The following MYL4 variants were observed in gnomAD, a reference collection of about 807,000 sequenced individuals.
The protein encoded by MYL4 is atrial myosin light chain 1.
Under a neutral mutation model 21.6 loss-of-function variants are expected in MYL4, and 16 were observed. That is an observed-to-expected ratio of 0.74 (90% CI 0.50 to 1.12). The LOEUF (loss-of-function observed/expected upper bound fraction) is 1.12, where lower values mean the gene tolerates loss of function less well. MYL4 is among the 50% of genes most tolerant of loss of function. The pLI, the probability that MYL4 is intolerant of heterozygous loss-of-function variation, is 0.00. For synonymous variants in MYL4, 82 were observed against 95.7 expected, an observed-to-expected ratio of 0.86 and a Z score of 0.83; for missense variants, 249 against 252.9, an observed-to-expected ratio of 0.98 and a Z score of 0.11.
Position 47,223,000 on chromosome 17 carries a change from C to T in MYL4, c.566-14C>T. 1.2e-6 allele frequency: 2 copies of T among 1,613,336 alleles called. No homozygotes were observed. Among genetic ancestry groups the T allele is most frequent in the Non-Finnish European group, 1.7e-6 (2 of 1,179,644 alleles). ...GCTGAGCCACATGGTGGCTGATTTT[C>T]ACTTTTTTCCTAGCCTTTGTCAAGC... On this transcript the variant is annotated splice_polypyrimidine_tract_variant and intron_variant, in intron 5 of 6. Coordinates refer to ENST00000393450, the MANE Select transcript of MYL4 (RefSeq NM_002476.2).
intron 1 of MYL4, among the ~76,000 whole-genome samples, chr17:47,212,082 G>A (rs1004523001): frequency 1.3e-5 from 2 of 152,094 alleles, no homozygotes; most frequent in Non-Finnish European, 2.9e-5. Context: ...AAAATTAGCT[G>A]GGCGTTATGG....
downstream of MYL4, among the ~76,000 whole-genome samples, chr17:47,224,066 A>G (rs1567750820): frequency 6.6e-6 from 1 of 152,238 alleles, no homozygotes; most frequent in Non-Finnish European, 1.5e-5. Context: ...TACACATAAC[A>G]TGAAATTTAC....
chr17:47,221,276 C>T (rs1007112926), intron 3 of MYL4, among the ~76,000 whole-genome samples: 7 of 152,160 alleles, frequency 4.6e-5, no homozygotes, highest in Admixed American at 6.5e-5. Flanking sequence ...TGGTTTGCCC[C>T]TGTGATTATA....
intron 1 of MYL4, 145 bp downstream of exon 1, chr17:47,209,702 T>A: frequency 8.2e-7 from 1 of 1,213,388 alleles, no homozygotes; most frequent in Non-Finnish European, 1.2e-6. Flanking sequence ...CATGGGGCAG[T>A]GGAGTGGGTG....
chr17:47,197,514 T>A (rs1428640043), upstream of MYL4, among the ~76,000 whole-genome samples: 1 of 152,136 alleles, frequency 6.6e-6, no homozygotes, highest in Admixed American at 6.6e-5. Flanking sequence ...CTAGGGCGCC[T>A]AGGGCTGACT....
intron 1 of MYL4, 25 bp downstream of exon 1, chr17:47,209,582 T>A: frequency 6.2e-7 from 1 of 1,614,168 alleles, no homozygotes; most frequent in Non-Finnish European, 8.5e-7. Flanking sequence ...GCCATTGGGA[T>A]AGAGGTGGGG....
At chr17:47,210,108 C>T (rs73329111) in intron 1 of MYL4, among the ~76,000 whole-genome samples, 2,481 of 152,228 alleles carry the variant, frequency 0.016, 54 homozygotes, top group African/African-American at 0.056. Context: ...AAGAGGAGCC[C>T]GGATTCCTCT....
rs959413934 is a variant in MYL4 at position 47,200,956 on chromosome 17, G to C, written c.-35+370G>C. 4.6e-5 allele frequency among the ~76,000 whole-genome samples: 7 copies of C among 152,172 alleles called. No homozygotes were observed. In the South Asian group the frequency reaches 1.2e-3, roughly 27 times the overall value. On this transcript the variant is annotated intron_variant and NMD_transcript_variant, in intron 1 of 6. Transcript: ENST00000571981. Reference sequence around the variant, plus strand: ...GGAGGCCAAGGCAGGTGGATCACTTGAGGTCAGGAGTTTGAGACCATCCTG... The same window carrying C: ...GGAGGCCAAGGCAGGTGGATCACTTCAGGTCAGGAGTTTGAGACCATCCTG...
chr17:47,192,457 G>A, the MYL4 span, among the ~76,000 whole-genome samples: 1 of 151,628 alleles, frequency 6.6e-6, no homozygotes, highest in Non-Finnish European at 1.5e-5. Flanking sequence ...AGACCATCCT[G>A]GCTAACACAG....
At chr17:47,193,286 T>C in the MYL4 span, among the ~76,000 whole-genome samples, 1 of 152,042 alleles carries the variant, frequency 6.6e-6, no homozygotes, top group African/African-American at 2.4e-5. Flanking sequence ...GTTTGTTTGT[T>C]TGAGAGAGTC....
At chr17:47,208,131 C>T (rs1160131948), upstream of MYL4, among the ~76,000 whole-genome samples, 1 of 152,188 alleles carries the variant, frequency 6.6e-6, no homozygotes, top group African/African-American at 2.4e-5. Context: ...TAGTATCTAC[C>T]TGGCCTGGCG....
the MYL4 span, among the ~76,000 whole-genome samples, chr17:47,192,575 G>A: frequency 1.3e-5 from 2 of 151,856 alleles, no homozygotes; most frequent in Non-Finnish European, 2.9e-5. Context: ...GCGTGAATCT[G>A]GGAGGCGGAG....
At chr17:47,218,809 A>C (rs1275732538) in intron 2 of MYL4, among the ~76,000 whole-genome samples, 1 of 152,146 alleles carries the variant, frequency 6.6e-6, no homozygotes, top group Non-Finnish European at 1.5e-5. Context: ...AAACAAAACC[A>C]AAACAAATCA....
upstream of MYL4, among the ~76,000 whole-genome samples, chr17:47,204,923 A>G (rs73316047): frequency 0.016 from 2,459 of 151,972 alleles, 54 homozygotes; most frequent in African/African-American, 0.056. Context: ...TTGGTCAGAG[A>G]AGAGAGAGAG....
intron 6 of MYL4, 69 bp from the exon 7 acceptor site, chr17:47,223,440 C>A: frequency 5.0e-6 from 1 of 201,974 alleles, no homozygotes; most frequent in Admixed American, 5.4e-5. Flanking sequence ...CCCTGGGATC[C>A]CCCTGGGTGT....
At chr17:47,227,587 C>A (rs1324000512), downstream of MYL4, among the ~76,000 whole-genome samples, 1 of 152,192 alleles carries the variant, frequency 6.6e-6, no homozygotes, top group Non-Finnish European at 1.5e-5. Flanking sequence ...AAGACCAACC[C>A]TTCCTCCTCC....
chr17:47,222,903 G>A, intron 5 of MYL4, 111 bp from the exon 6 acceptor site: 1 of 1,340,422 alleles, frequency 7.5e-7, no homozygotes, highest in Non-Finnish European at 1.1e-6. Flanking sequence ...ACACAGTCTG[G>A]AGAAAGGGGA....
At chr17:47,221,918 G>T in intron 4 of MYL4, 63 bp downstream of exon 4, 1 of 1,562,184 alleles carries the variant, frequency 6.4e-7, no homozygotes, top group Non-Finnish European at 8.7e-7. Context: ...AGGTGCCAAG[G>T]TGACATATGC....
chr17:47,215,764 A>G (rs956841391), intron 2 of MYL4, among the ~76,000 whole-genome samples: 1 of 152,208 alleles, frequency 6.6e-6, no homozygotes, highest in African/African-American at 2.4e-5. Flanking sequence ...TCTAGGTGAT[A>G]TGCCTCAATT....
Sources: allele counts gnomAD v4.1 joint callset (sites outside exome capture counted in the v4.1 genomes callset), GRCh38; gene constraint gnomAD v4.1.1; transcripts MANE v1.5; gene names NCBI Gene and HGNC (gene_info 2026-07-23, HGNC 2026-07-21).